Variants in PYY observed in about 807,000 individuals in gnomAD.
The protein encoded by PYY is peptide YY.
In PYY, 12 loss-of-function variants were observed where a neutral mutation model predicts 10.3. The ratio of observed to expected loss-of-function variants is 1.17; its 90% CI spans 0.75 to 1.89. The LOEUF is 1.89. PYY is among the 40% of genes most tolerant of loss of function. The pLI, the probability that PYY is intolerant of heterozygous loss-of-function variation, is 0.00. For missense variants in PYY, 141 were observed against 134.0 expected (o/e 1.05, Z -0.26); for synonymous variants, 66 against 62.0 (o/e 1.06, Z -0.30).
chr17:43,953,620 C>G (rs186692), intron 1 of PYY, 137 bp from the exon 2 acceptor site: 1 of 822,994 alleles, frequency 1.2e-6, no homozygotes, highest in Non-Finnish European at 1.8e-6. Context: ...ACCGGGCTTG[C>G]TGTGTGTTCT....
chr17:43,959,460 G>A (rs537875308), intron 2 of PYY, among the ~76,000 whole-genome samples: 5 of 152,324 alleles, frequency 3.3e-5, no homozygotes, highest in Admixed American at 2.6e-4. Flanking sequence ...CAAGGCGGGC[G>A]GATCACCTGA....
In PYY at chr17:43,974,223, G is replaced by A. The variant is rs75996982; in HGVS notation, c.-462-7691C>T. On this transcript the variant is annotated intron_variant, in intron 1 of 6. Transcript: ENST00000360085. ...GTGGGTGTGTCTTTTCTTCCCTCGC[G>A]CATTTCCCGCACATAACATTTGTGT... Among the ~76,000 whole-genome samples the A allele has an allele frequency of 3.4e-4, 52 of 151,858 alleles. No individual in the cohort carries two copies. In the East Asian group the frequency reaches 8.1e-3, roughly 24 times the overall value.
At chr17:43,970,250 G>A (rs1012867436) in intron 1 of PYY, among the ~76,000 whole-genome samples, 1 of 142,654 alleles carries the variant, frequency 7.0e-6, no homozygotes, top group African/African-American at 2.6e-5. Context: ...GCTCATGCCT[G>A]TAATCCCAGC....
chr17:43,976,457 A>G (rs1187192156), intron 1 of PYY, among the ~76,000 whole-genome samples: 3 of 145,714 alleles, frequency 2.1e-5, no homozygotes, highest in Non-Finnish European at 4.5e-5. Flanking sequence ...ACATATACAT[A>G]TATATACACA....
chr17:43,957,915 C>T (rs1212321656), upstream of PYY: 1 of 154,528 alleles, frequency 6.5e-6, no homozygotes, highest in Non-Finnish European at 1.5e-5. Context: ...GGTAGGAGCT[C>T]TCCTAGGAGC....
At chr17:43,960,014 G>T (rs7214323) in intron 2 of PYY, among the ~76,000 whole-genome samples, 4,182 of 152,226 alleles carry the variant, frequency 0.027, 190 homozygotes, top group African/African-American at 0.095. Flanking sequence ...ATACTGGCAT[G>T]TGTGTGCTCC....
intron 1 of PYY, among the ~76,000 whole-genome samples, chr17:43,982,376 C>T (rs2143940309): frequency 6.6e-6 from 1 of 152,348 alleles, no homozygotes; most frequent in African/African-American, 2.4e-5. Flanking sequence ...CCCTGAATGC[C>T]TGTGTGCATT....
upstream of PYY, among the ~76,000 whole-genome samples, chr17:43,958,217 A>G (rs1257180374): frequency 2.7e-5 from 4 of 147,022 alleles, no homozygotes; most frequent in South Asian, 6.7e-4. Flanking sequence ...TTTGAATTTT[A>G]TATAATTTTC....
chr17:43,961,058 C>T (rs942506965), intron 2 of PYY, among the ~76,000 whole-genome samples: 1 of 151,294 alleles, frequency 6.6e-6, no homozygotes, highest in African/African-American at 2.4e-5. Flanking sequence ...CTGTCTCTAC[C>T]CAAACAATAA....
chr17:43,952,880 G>C lies in PYY; in HGVS notation c.*76C>G, dbSNP rs1317099688. On this transcript the variant is annotated 3_prime_UTR_variant, in exon 4 of 4. Coordinates refer to ENST00000692052, the MANE Select transcript of PYY (RefSeq NM_001394028.1). Reference sequence around the variant, plus strand: ...CGCCGCCGTCGGGAGGCAGAATCCGGGTTTCTGGGGTCGGGAGTGCGTATG... The same window carrying C: ...CGCCGCCGTCGGGAGGCAGAATCCGCGTTTCTGGGGTCGGGAGTGCGTATG... The C allele has an allele frequency of 6.9e-7, 1 of 1,449,566 alleles. No individual in the cohort carries two copies. Among genetic ancestry groups the C allele is most frequent in the South Asian group, 1.4e-5 (1 of 69,854 alleles). 89.8% of individuals were successfully genotyped at this position (1,449,566 alleles called of 1,614,324 possible).
chr17:43,989,167 G>T (rs143796472), intron 1 of PYY, among the ~76,000 whole-genome samples: 8,025 of 151,994 alleles, frequency 0.053, 275 homozygotes, highest in East Asian at 0.12. Flanking sequence ...GAGGTCAGGA[G>T]ATCAAGACCA....
intron 1 of PYY, among the ~76,000 whole-genome samples, chr17:44,003,900 G>C (rs988261363): frequency 6.6e-6 from 1 of 151,998 alleles, no homozygotes; most frequent in Non-Finnish European, 1.5e-5. Context: ...TGAGGCAGGA[G>C]GATCATTTGA....
At chr17:43,960,849 C>CA (rs754256255) in intron 2 of PYY, among the ~76,000 whole-genome samples, 77,098 of 127,028 alleles carry the variant, frequency 0.61, 22,982 homozygotes, top group South Asian at 0.74. Context: ...GACTCCGTCG[C>CA]AAAAAAAAAA....
chr17:43,961,919 TC>T (rs1326732133), intron 2 of PYY, among the ~76,000 whole-genome samples: 16 of 152,118 alleles, frequency 1.1e-4, no homozygotes, highest in Non-Finnish European at 2.4e-4. Flanking sequence ...AAAGTGGCCT[TC>T]ACCTCAGCAT....
chr17:43,983,392 C>T (rs2143941513), intron 1 of PYY, among the ~76,000 whole-genome samples: 1 of 152,316 alleles, frequency 6.6e-6, no homozygotes, highest in African/African-American at 2.4e-5. Flanking sequence ...ACCGCGGGCC[C>T]TACCTGATGG....
chr17:43,961,183 T>C (rs1307738522), intron 2 of PYY, among the ~76,000 whole-genome samples: 1 of 149,688 alleles, frequency 6.7e-6, no homozygotes, highest in African/African-American at 2.5e-5. Context: ...TTGTGATTGC[T>C]CCACTGCACT....
chr17:43,989,466 C>G (rs1476644080), intron 1 of PYY, among the ~76,000 whole-genome samples: 1 of 152,104 alleles, frequency 6.6e-6, no homozygotes, highest in East Asian at 1.9e-4. Context: ...TCCATAGCAG[C>G]CACACCATTT....
intron 1 of PYY, among the ~76,000 whole-genome samples, chr17:43,968,542 TG>T (rs1301001696): frequency 6.6e-6 from 1 of 152,176 alleles, no homozygotes; most frequent in Non-Finnish European, 1.5e-5. Flanking sequence ...CCAGGCGCGG[TG>T]GCTCATGCCT....
At chr17:43,991,076 C>T (rs2048954105) in intron 1 of PYY, among the ~76,000 whole-genome samples, 1 of 151,892 alleles carries the variant, frequency 6.6e-6, no homozygotes, top group Admixed American at 6.6e-5. Flanking sequence ...AGCCACCGCG[C>T]CCGGCCTAGG....
Sources: allele counts gnomAD v4.1 joint callset (sites outside exome capture counted in the v4.1 genomes callset), GRCh38; gene constraint gnomAD v4.1.1; transcripts MANE v1.5; gene names NCBI Gene and HGNC (gene_info 2026-07-23, HGNC 2026-07-21).